The following RASA1 variants were observed in gnomAD, a reference collection of about 807,000 sequenced individuals.
RASA1 encodes RAS p21 protein activator 1.
In RASA1, 25 loss-of-function variants were observed where a neutral mutation model predicts 132.2. That is an observed-to-expected ratio of 0.19 (90% CI 0.14 to 0.26). The LOEUF (loss-of-function observed/expected upper bound fraction) is 0.26, where lower values mean the gene tolerates loss of function less well. Among genes scored for constraint, RASA1 ranks in the 10% least tolerant of loss-of-function variants. The pLI is 1.00. For missense variants in RASA1, 964 were observed against 1,299.2 expected, an observed-to-expected ratio of 0.74 and a Z score of 3.97; for synonymous variants, 477 against 449.9, an observed-to-expected ratio of 1.06 and a Z score of -0.76.
At chr5:87,308,997 G>A (rs1458305021) in intron 1 of RASA1, among the ~76,000 whole-genome samples, 4 of 152,044 alleles carry the variant, frequency 2.6e-5, no homozygotes, top group Admixed American at 6.6e-5. Context: ...TTTTCTAATA[G>A]GCAATGTATA....
intron 22 of RASA1, among the ~76,000 whole-genome samples, chr5:87,386,149 G>GT (rs1762049462): frequency 6.6e-6 from 1 of 151,858 alleles, no homozygotes; most frequent in South Asian, 2.1e-4. Flanking sequence ...AATATTTTGT[G>GT]TTTCATTATT....
chr5:87,374,365 A>G lies in RASA1; in HGVS notation c.1934+45A>G, dbSNP rs759928679. 8.4e-6 allele frequency: 13 copies of G among 1,546,518 alleles called. No individual in the cohort carries two copies. In the South Asian group the frequency reaches 1.0e-4, roughly 12 times the overall value. ...TACATTAATCATTTTCTTTTACCAT[A>G]TTGCATTTCTTTCTGTTTTTTTGGT... On this transcript the variant is annotated intron_variant, in intron 14 of 24. Transcript: ENST00000274376.
At chr5:87,366,334 A>G (rs1039250502) in intron 11 of RASA1, 4 of 402,626 alleles carry the variant, frequency 9.9e-6, no homozygotes, top group African/African-American at 6.1e-5. Context: ...TTATTTTGAT[A>G]TAGTTTATAT....
At chr5:87,332,186 T>C (rs1383612839) in intron 2 of RASA1, among the ~76,000 whole-genome samples, 3 of 152,132 alleles carry the variant, frequency 2.0e-5, no homozygotes, top group Non-Finnish European at 2.9e-5. Flanking sequence ...ATAAAACTTA[T>C]TAAATTGTTA....
intron 13 of RASA1, 111 bp downstream of exon 13, chr5:87,372,306 T>C (rs1017819503): frequency 7.7e-6 from 7 of 912,384 alleles, no homozygotes; most frequent in Admixed American, 2.1e-5. Flanking sequence ...GGTTAAGCCA[T>C]GCTGCCACTT....
chr5:87,301,967 G>A (rs564925443), intron 1 of RASA1, among the ~76,000 whole-genome samples: 13 of 152,244 alleles, frequency 8.5e-5, no homozygotes, highest in African/African-American at 2.9e-4. Flanking sequence ...CATTTAGGGT[G>A]TGTCTAGTTT....
Position 87,268,683 on chromosome 5 carries a change from G to C in RASA1, c.232G>C (p.Ala78Pro). 1.2e-6 allele frequency: 2 copies of C among 1,611,684 alleles called. No homozygotes were observed. Among genetic ancestry groups the C allele is most frequent in the Non-Finnish European group, 1.7e-6 (2 of 1,179,042 alleles). ...AGAGTTCCTAGGAGCCGGGTCTGTG[G>C]CAGGGGCACTGGGGGGAGCTGGACT... ...GSEFLGAGSV[A>P]GALGGAGLTG... Residue 78 changes from alanine (A) to proline (P), a missense_variant, in exon 1 of 25, where the codon GCA becomes CCA. Coordinates refer to ENST00000274376, the MANE Select transcript of RASA1 (RefSeq NM_002890.3).
At chr5:87,368,682 C>T (rs909277936) in intron 11 of RASA1, among the ~76,000 whole-genome samples, 1 of 152,170 alleles carries the variant, frequency 6.6e-6, no homozygotes, top group Admixed American at 6.5e-5. Context: ...TCTCCTAGCA[C>T]TATCAAACTA....
chr5:87,375,034 GAGA>G (rs2112487385), intron 15 of RASA1, 118 bp downstream of exon 15: 1 of 1,320,012 alleles, frequency 7.6e-7, no homozygotes, highest in Non-Finnish European at 1.0e-6. Flanking sequence ...AGTATAATTT[GAGA>G]TAGTTTCTTT....
chr5:87,367,390 G>A (rs1464930585), intron 11 of RASA1, among the ~76,000 whole-genome samples: 4 of 152,184 alleles, frequency 2.6e-5, no homozygotes, highest in Admixed American at 2.6e-4. Flanking sequence ...CTGATATGCT[G>A]ACCTTTAGCA....
intron 5 of RASA1, among the ~76,000 whole-genome samples, chr5:87,339,674 C>G (rs1449018871): frequency 6.6e-6 from 1 of 152,066 alleles, no homozygotes; most frequent in East Asian, 1.9e-4. Context: ...CATGACCTCA[C>G]ATCAGTACAA....
intron 9 of RASA1, among the ~76,000 whole-genome samples, chr5:87,362,216 G>A (rs545834861): frequency 9.2e-5 from 14 of 152,266 alleles, no homozygotes; most frequent in South Asian, 4.1e-4. Context: ...CAGTTATGCT[G>A]GGACAAGTTT....
At position 87,376,414 on chromosome 5, in the gene RASA1, G is replaced by A. The variant is rs192308897; in HGVS notation, c.2033G>A (p.Ser678Asn). Residue 678 changes from serine to asparagine, a missense_variant, in exon 16 of 25, where the codon AGC becomes AAC. By Grantham distance (46) the Ser-to-Asn change is conservative. Transcript: ENST00000274376. The stretch of plus-strand genomic sequence containing the variant: ...CAAGTATTTATGCGCTGCCAGTTGA[G>A]CCGATTACAGAAAGGGCATGCCACA... ...PDILFMRCQL[S>N]RLQKGHATDE... The A allele has an allele frequency of 2.5e-5, 40 of 1,613,962 alleles. No individual in the cohort carries two copies. In the Admixed American group the frequency reaches 6.7e-4, roughly 27 times the overall value.
At chr5:87,373,928 C>T (rs930330815) in intron 13 of RASA1, among the ~76,000 whole-genome samples, 6 of 151,584 alleles carry the variant, frequency 4.0e-5, no homozygotes. Flanking sequence ...GGAGAAATAA[C>T]TTGTAAAATA....
chr5:87,311,657 A>C (rs796567595), intron 1 of RASA1, among the ~76,000 whole-genome samples: 8 of 152,324 alleles, frequency 5.3e-5, no homozygotes, highest in African/African-American at 1.7e-4. Flanking sequence ...AACACGTGTC[A>C]AGTATTGCCA....
chr5:87,344,741 A>G (rs924985912), intron 6 of RASA1, among the ~76,000 whole-genome samples: 2 of 150,522 alleles, frequency 1.3e-5, no homozygotes, highest in Non-Finnish European at 3.0e-5. Flanking sequence ...CTGGTCTCAA[A>G]CGCCTGGCCT....
intron 18 of RASA1, among the ~76,000 whole-genome samples, chr5:87,378,956 C>CA (rs1232733532): frequency 6.6e-6 from 1 of 151,768 alleles, no homozygotes; most frequent in African/African-American, 2.4e-5. Context: ...TCAACTAAAA[C>CA]AAAAAAATCT....
In RASA1 at chr5:87,391,017, C is replaced by A; in HGVS notation, c.*134C>A. The A allele has an allele frequency of 1.1e-6, 1 of 895,334 alleles. No homozygotes were observed. The highest frequency in any genetic ancestry group is 1.8e-6 in the Non-Finnish European group (1 of 548,674). 55.5% of individuals were successfully genotyped at this position (895,334 alleles called of 1,614,324 possible). On this transcript the variant is annotated 3_prime_UTR_variant, in exon 25 of 25. Coordinates refer to ENST00000274376, the MANE Select transcript of RASA1 (RefSeq NM_002890.3). Reference sequence around the variant, plus strand: ...TCCAGTGATGTGTGAGCTATGCAAACAAAATCCAAGATTCTGCTGGTGAAT... The same window carrying A: ...TCCAGTGATGTGTGAGCTATGCAAAAAAAATCCAAGATTCTGCTGGTGAAT...
chr5:87,391,269 G>GAAACAC lies in RASA1; in HGVS notation c.*388_*393dup, dbSNP rs1762495090. 2.6e-6 allele frequency: 1 copy of GAAACAC among 384,502 alleles called. No individual in the cohort carries two copies. Among genetic ancestry groups the GAAACAC allele is most frequent in the South Asian group, 3.3e-5 (1 of 30,492 alleles). 23.8% of individuals were successfully genotyped at this position (384,502 alleles called of 1,614,324 possible). A position where few individuals can be genotyped will look rare whatever the true frequency, so the allele number is the denominator to read the frequency against. ...AAAGAACTATGAAATCAACTGACAA[G>GAAACAC]AAACACATTCTTATTGACAATTGTG... is the stretch of plus-strand genomic sequence containing the variant. On this transcript the variant is annotated 3_prime_UTR_variant, in exon 25 of 25. Transcript: ENST00000274376.
Sources: gnomAD v4.1 joint callset for allele counts (sites outside exome capture counted in the v4.1 genomes callset) on GRCh38, gnomAD v4.1.1 for gene constraint, MANE v1.5 for transcripts, NCBI Gene and HGNC (gene_info 2026-07-23, HGNC 2026-07-21) for gene names.